ELP2: variants seen among roughly 807,000 people sequenced by gnomAD.
The protein encoded by ELP2 is elongator acetyltransferase complex subunit 2, also known as elongator complex protein 2.
A neutral mutation model predicts 119.2 loss-of-function variants in ELP2; 90 were observed. The ratio of observed to expected loss-of-function variants is 0.75; its 90% CI spans 0.64 to 0.90. The LOEUF (loss-of-function observed/expected upper bound fraction) is 0.90, where lower values mean the gene tolerates loss of function less well. ELP2 is among the 40% of genes least tolerant of loss of function. The pLI, the probability that ELP2 is intolerant of heterozygous loss-of-function variation, is 0.00. For missense variants in ELP2, 921 were observed against 967.8 expected (o/e 0.95, Z 0.64); for synonymous variants, 339 against 331.0 (o/e 1.02, Z -0.26).
chr18:36,136,227 T>A, intron 2 of ELP2, 80 bp from the exon 3 acceptor site: 1 of 1,066,850 alleles, frequency 9.4e-7, no homozygotes, highest in Non-Finnish European at 1.5e-6. Flanking sequence ...AGGGGTATTG[T>A]TTTTTGGTGT....
intron 5 of ELP2, among the ~76,000 whole-genome samples, chr18:36,139,080 C>T (rs966096948): frequency 6.6e-6 from 1 of 152,020 alleles, no homozygotes; most frequent in East Asian, 1.9e-4. Context: ...TTTTGATAGC[C>T]ATTGATAATT....
chr18:36,159,721 T>A lies in ELP2; in HGVS notation c.1535-14T>A. 6.3e-7 allele frequency: 1 copy of A among 1,591,914 alleles called. No homozygotes were observed. Among genetic ancestry groups the A allele is most frequent in the Non-Finnish European group, 8.6e-7 (1 of 1,160,274 alleles). ...AAATAGTGACTATATTCTTGATGTG[T>A]TTCTTCAAACTAGGAGATATAGCTT... is the stretch of plus-strand genomic sequence containing the variant. On this transcript the variant is annotated splice_polypyrimidine_tract_variant and intron_variant, in intron 14 of 21. Coordinates refer to ENST00000358232, the MANE Select transcript of ELP2 (RefSeq NM_018255.4).
At chr18:36,139,411 C>T (rs1814814298) in intron 5 of ELP2, 2 of 1,534,950 alleles carry the variant, frequency 1.3e-6, no homozygotes, top group African/African-American at 2.7e-5. Flanking sequence ...GCCTCTTTGC[C>T]TCCACAGTTA....
chr18:36,146,015 T>C lies in ELP2; in HGVS notation c.960T>C (p.Ala320=). The C allele has an allele frequency of 6.2e-7, 1 of 1,614,064 alleles. No individual in the cohort carries two copies. The highest frequency in any genetic ancestry group is 8.5e-7 in the Non-Finnish European group (1 of 1,179,940). ...ASMDKTMILW[A]PDEESGVWLE... is the part of the protein sequence containing the mutation. ...TGGATAAAACCATGATTCTCTGGGCTCCAGATGAAGAGTCAGGAGTTTGGC... is the reference window on the plus strand; with the variant it reads ...TGGATAAAACCATGATTCTCTGGGCCCCAGATGAAGAGTCAGGAGTTTGGC... The change falls in exon 10 of 22, where the codon GCT becomes GCC. Residue 320 remains alanine (A), a synonymous_variant. Coordinates refer to ENST00000358232, the MANE Select transcript of ELP2 (RefSeq NM_018255.4).
In ELP2 at chr18:36,178,135, C is replaced by T. The variant is rs1008725931; in HGVS notation, c.*3494C>T. ...TCCCTCCTTCCTGTTTCTCCCTCCT[C>T]GGCACCCACTTCTAGGATTAACAGG... On this transcript the variant is annotated 3_prime_UTR_variant, in exon 22 of 22. Coordinates refer to ENST00000358232, the MANE Select transcript of ELP2 (RefSeq NM_018255.4). 1 of 152,250 alleles carries T rather than the reference C, an allele frequency of 6.6e-6. No individual in the cohort carries two copies. Among genetic ancestry groups the T allele is most frequent in the African/African-American group, 2.4e-5 (1 of 41,442 alleles). The allele number at this position is 152,250 out of a possible 1,614,324, so 9.4% of individuals were successfully genotyped here. A position where few individuals can be genotyped will look rare whatever the true frequency, so the allele number is the denominator to read the frequency against.
chr18:36,170,892 C>T (rs538713951), intron 20 of ELP2, 155 bp from the exon 21 acceptor site: 3 of 687,114 alleles, frequency 4.4e-6, no homozygotes, highest in Admixed American at 2.1e-5. Flanking sequence ...CTTGAGGACA[C>T]AGGAGAGCAG....
chr18:36,141,640 C>A (rs1411831248), intron 6 of ELP2, among the ~76,000 whole-genome samples: 2 of 150,180 alleles, frequency 1.3e-5, no homozygotes, highest in Admixed American at 6.6e-5. Flanking sequence ...ATACTCATTT[C>A]TTTGCATTCT....
At chr18:36,170,023 C>A in intron 19 of ELP2, 40 bp from the exon 20 acceptor site, 1 of 1,613,974 alleles carries the variant, frequency 6.2e-7, no homozygotes, top group Non-Finnish European at 8.5e-7. Context: ...AGAAACCTTG[C>A]AAAGAGAAGG....
In ELP2 at chr18:36,151,245, C is replaced by T. The variant is rs546157490; in HGVS notation, c.1126-3605C>T. Among the ~76,000 whole-genome samples, 22 of 151,990 alleles carry T rather than the reference C, an allele frequency of 1.4e-4. 1 individual carries two copies. In the South Asian group the frequency reaches 3.3e-3, roughly 23 times the overall value. On this transcript the variant is annotated intron_variant, in intron 11 of 21. Transcript: ENST00000358232. Reference sequence around the variant, plus strand: ...GACTACAGGCAGGCACCGCCATGCCCGGCTAATTTCTATTTTTTGTAGAGA... The same window carrying T: ...GACTACAGGCAGGCACCGCCATGCCTGGCTAATTTCTATTTTTTGTAGAGA...
rs150001929 is a variant in ELP2 at position 36,179,305 on chromosome 18, T to C, written c.*4664T>C. The C allele has an allele frequency of 2.0e-5, 1 of 50,614 alleles. No homozygotes were observed. Among genetic ancestry groups the C allele is most frequent in the African/African-American group, 7.6e-5 (1 of 13,112 alleles). 3.1% of individuals were successfully genotyped at this position (50,614 alleles called of 1,614,324 possible). A position where few individuals can be genotyped will look rare whatever the true frequency, so the allele number is the denominator to read the frequency against. ...GGTGAAACCCCATCTCTACTAAAAA[T>C]ACAAAAAAAAAAAAAAAATTAGTCG... On this transcript the variant is annotated 3_prime_UTR_variant, in exon 22 of 22. Coordinates refer to ENST00000358232, the MANE Select transcript of ELP2 (RefSeq NM_018255.4).
At chr18:36,157,390 A>AGAGAGGGAGAGAGCAAAGGG (rs2090605676) in intron 13 of ELP2, among the ~76,000 whole-genome samples, 1 of 152,072 alleles carries the variant, frequency 6.6e-6, no homozygotes, top group African/African-American at 2.4e-5. Flanking sequence ...AGAAGGGGAG[A>AGAGAGGGAGAGAGCAAAGGG]GAGAGGGAGA....
chr18:36,173,035 A>G (rs1347847654), intron 21 of ELP2, among the ~76,000 whole-genome samples: 2 of 152,226 alleles, frequency 1.3e-5, no homozygotes, highest in African/African-American at 4.8e-5. Flanking sequence ...CTATCTTCTT[A>G]AATATGACAT....
rs146196686 is a variant in ELP2 at position 36,163,150 on chromosome 18, G to A, written c.1762-1325G>A. Among the ~76,000 whole-genome samples, 295 of 152,126 alleles carry A rather than the reference G, an allele frequency of 1.9e-3. 1 individual carries two copies. Among genetic ancestry groups the A allele is most frequent in the Non-Finnish European group, 7.9e-4 (54 of 67,998 alleles). On this transcript the variant is annotated intron_variant, in intron 17 of 21. Transcript: ENST00000358232. ...TTAGCTCCTGCTTGTAAGCAAAGATGTCTGGTTTTTGGCTTTTTGCTTCTG... is the reference window on the plus strand; with the variant it reads ...TTAGCTCCTGCTTGTAAGCAAAGATATCTGGTTTTTGGCTTTTTGCTTCTG...
intron 9 of ELP2, 121 bp from the exon 10 acceptor site, chr18:36,145,827 C>A: frequency 1.2e-6 from 1 of 844,058 alleles, no homozygotes; most frequent in Non-Finnish European, 2.0e-6. Flanking sequence ...CAATTTTTTG[C>A]TATTACAAAT....
intron 17 of ELP2, among the ~76,000 whole-genome samples, chr18:36,163,506 C>T (rs2090804302): frequency 6.6e-6 from 1 of 151,182 alleles, no homozygotes; most frequent in Non-Finnish European, 1.5e-5. Flanking sequence ...TAGGCTGTGT[C>T]TTTCTTATAT....
intron 2 of ELP2, 75 bp downstream of exon 2, chr18:36,133,391 C>G: frequency 1.9e-6 from 2 of 1,045,030 alleles, no homozygotes; most frequent in Non-Finnish European, 3.0e-6. Flanking sequence ...TTTTTCTCAT[C>G]ACTTCTCTTA....
intron 21 of ELP2, 144 bp downstream of exon 21, chr18:36,171,304 T>C: frequency 1.5e-6 from 1 of 687,600 alleles, no homozygotes; most frequent in South Asian, 1.6e-5. Context: ...TAATCTGAAA[T>C]TGATACATGT....
rs1443520221 is a variant in ELP2, at chr18:36,177,714, TAAAA to T, written c.*3079_*3082del. On this transcript the variant is annotated 3_prime_UTR_variant, in exon 22 of 22. Transcript: ENST00000358232. ...CATTTCCCAGGATGTAAATCGGTAC[TAAAA>T]AAAAAGTGCTCCAAAGTAAGATATA... The T allele has an allele frequency of 6.6e-6, 1 of 151,164 alleles. No individual in the cohort carries two copies. Among genetic ancestry groups the T allele is most frequent in the East Asian group, 1.9e-4 (1 of 5,162 alleles). 9.4% of individuals were successfully genotyped at this position (151,164 alleles called of 1,614,324 possible). A position where few individuals can be genotyped will look rare whatever the true frequency, so the allele number is the denominator to read the frequency against.
In ELP2 at chr18:36,155,109, T is replaced by G. The variant is rs2090526714; in HGVS notation, c.1275+110T>G. 3.5e-6 allele frequency: 3 copies of G among 853,642 alleles called. No homozygotes were observed. The Admixed American group carries it at 5.9e-5, about 17-fold the overall frequency. 52.9% of individuals were successfully genotyped at this position (853,642 alleles called of 1,614,324 possible). A position where few individuals can be genotyped will look rare whatever the true frequency, so the allele number is the denominator to read the frequency against. ...CTCACTGCAGCCTCCGCCACCCAGG[T>G]TCAAGCGATTCTCCTGTCTCAGCCT... On this transcript the variant is annotated intron_variant, in intron 12 of 21. Coordinates refer to ENST00000358232, the MANE Select transcript of ELP2 (RefSeq NM_018255.4).
Sources: allele counts gnomAD v4.1 joint callset (sites outside exome capture counted in the v4.1 genomes callset), GRCh38; gene constraint gnomAD v4.1.1; transcripts MANE v1.5; gene names NCBI Gene and HGNC (gene_info 2026-07-23, HGNC 2026-07-21).